Variants in LRRC36 observed in about 807,000 individuals in gnomAD.
LRRC36 encodes the protein leucine rich repeat containing 36, also known as leucine-rich repeat-containing protein 36.
A neutral mutation model predicts 81.1 loss-of-function variants in LRRC36; 62 were observed. That is an observed-to-expected ratio of 0.76 (90% CI 0.62 to 0.94). The LOEUF (loss-of-function observed/expected upper bound fraction) is 0.94. Among genes scored for constraint, LRRC36 ranks in the 40% least tolerant of loss-of-function variants. The pLI, the probability that LRRC36 is intolerant of heterozygous loss-of-function variation, is 0.00. For missense variants in LRRC36, 761 were observed against 881.7 expected, an observed-to-expected ratio of 0.86 and a Z score of 1.73; for synonymous variants, 334 against 348.6, an observed-to-expected ratio of 0.96 and a Z score of 0.47.
chr16:67,364,384 C>G (rs903927012), intron 6 of LRRC36, among the ~76,000 whole-genome samples: 1 of 152,124 alleles, frequency 6.6e-6, no homozygotes, highest in Non-Finnish European at 1.5e-5. Flanking sequence ...TTCTTTGATA[C>G]ATTTATGAGC....
Position 67,382,294 on chromosome 16 carries a change from C to T in LRRC36, c.2045+47C>T, listed in dbSNP as rs778253386. ...TTGCTTCTAGAAGCAGATATTTACT[C>T]CTTTTATCTCCTTTGTTTTGCTTGG... is the stretch of plus-strand genomic sequence containing the variant. On this transcript the variant is annotated intron_variant, in intron 13 of 13. Coordinates refer to ENST00000329956, the MANE Select transcript of LRRC36 (RefSeq NM_018296.6). The T allele has an allele frequency of 7.8e-6, 10 of 1,287,666 alleles. No individual in the cohort carries two copies. The South Asian group carries it at 1.3e-4, about 16-fold the overall frequency. 79.8% of individuals were successfully genotyped at this position (1,287,666 alleles called of 1,614,324 possible).
chr16:67,380,005 T>G (rs2040052124), intron 12 of LRRC36, among the ~76,000 whole-genome samples: 1 of 152,116 alleles, frequency 6.6e-6, no homozygotes, highest in Admixed American at 6.6e-5. Context: ...ATATTTAGAA[T>G]AAAATGATTT....
chr16:67,375,477 A>G, intron 10 of LRRC36, 65 bp downstream of exon 10: 1 of 1,404,026 alleles, frequency 7.1e-7, no homozygotes, highest in Non-Finnish European at 9.5e-7. Flanking sequence ...GTGTTCTGCT[A>G]AAAGCCACTT....
intron 5 of LRRC36, among the ~76,000 whole-genome samples, chr16:67,359,625 C>T (rs1276338207): frequency 6.6e-6 from 1 of 152,120 alleles, no homozygotes. Flanking sequence ...TTGTATGACA[C>T]ATGAATTATA....
At chr16:67,371,339 G>C (rs2142131397) in intron 9 of LRRC36, 97 bp downstream of exon 9, 2 of 1,407,870 alleles carry the variant, frequency 1.4e-6, no homozygotes, top group Non-Finnish European at 2.0e-6. Context: ...TGACCAACAG[G>C]GCTAGAAATT....
At chr16:67,333,460 A>C (rs1450681491) in intron 1 of LRRC36, among the ~76,000 whole-genome samples, 1 of 152,122 alleles carries the variant, frequency 6.6e-6, no homozygotes, top group African/African-American at 2.4e-5. Context: ...ATTCAGGGTC[A>C]TTTTGTACAT....
At chr16:67,340,717 CTA>C (rs1214072973) in intron 1 of LRRC36, among the ~76,000 whole-genome samples, 1 of 150,400 alleles carries the variant, frequency 6.6e-6, no homozygotes, top group Admixed American at 6.7e-5. Context: ...TATGTATATT[CTA>C]TATATATACT....
At chr16:67,381,671 G>A (rs1453348563) in intron 12 of LRRC36, among the ~76,000 whole-genome samples, 2 of 152,060 alleles carry the variant, frequency 1.3e-5, no homozygotes, top group Non-Finnish European at 2.9e-5. Context: ...CTGGAGTGCA[G>A]TGGCACAATC....
intron 13 of LRRC36, 60 bp from the exon 14 acceptor site, chr16:67,384,805 TGGGTC>T: frequency 8.3e-7 from 1 of 1,203,494 alleles, no homozygotes; most frequent in Non-Finnish European, 1.2e-6. Flanking sequence ...GGAGACATTT[TGGGTC>T]TGCATGGTAT....
intron 1 of LRRC36, among the ~76,000 whole-genome samples, chr16:67,328,288 G>A (rs1234910982): frequency 2.6e-5 from 4 of 152,092 alleles, no homozygotes; most frequent in Admixed American, 6.5e-5. Flanking sequence ...CGAGGCGGGC[G>A]GATCACGAGT....
At chr16:67,381,864 G>T (rs576461290) in intron 12 of LRRC36, among the ~76,000 whole-genome samples, 1 of 152,120 alleles carries the variant, frequency 6.6e-6, no homozygotes, top group Non-Finnish European at 1.5e-5. Flanking sequence ...TGATCCACCC[G>T]CCTCAGCCTC....
chr16:67,382,334 T>C, intron 13 of LRRC36, 87 bp downstream of exon 13: 1 of 912,748 alleles, frequency 1.1e-6, no homozygotes, highest in Non-Finnish European at 1.7e-6. Flanking sequence ...TTAATATCTA[T>C]GCACTTTGCA....
At chr16:67,354,119 A>C (rs1484940565) in intron 5 of LRRC36, among the ~76,000 whole-genome samples, 1 of 152,046 alleles carries the variant, frequency 6.6e-6, no homozygotes, top group Non-Finnish European at 1.5e-5. Flanking sequence ...GTCAACTACA[A>C]TGTCCAATAC....
chr16:67,353,886 TCA>T (rs981128623), intron 5 of LRRC36, among the ~76,000 whole-genome samples: 1 of 152,284 alleles, frequency 6.6e-6, no homozygotes, highest in Admixed American at 6.5e-5. Flanking sequence ...TGATACTGCT[TCA>T]CAGTCTCTTA....
At chr16:67,352,848 T>G (rs751059718) in intron 5 of LRRC36, among the ~76,000 whole-genome samples, 62 of 151,798 alleles carry the variant, frequency 4.1e-4, no homozygotes, top group Non-Finnish European at 7.5e-4. Flanking sequence ...CAGCTAAGTT[T>G]TGTATTTTTT....
chr16:67,376,037 C>T (rs2039877191), intron 10 of LRRC36, among the ~76,000 whole-genome samples: 1 of 152,144 alleles, frequency 6.6e-6, no homozygotes. Context: ...TGGCTGGATG[C>T]GGTGACTAAC....
At chr16:67,328,284 G>A (rs991261405) in intron 1 of LRRC36, among the ~76,000 whole-genome samples, 1 of 152,070 alleles carries the variant, frequency 6.6e-6, no homozygotes, top group Non-Finnish European at 1.5e-5. Flanking sequence ...AGGCCGAGGC[G>A]GGCGGATCAC....
intron 5 of LRRC36, among the ~76,000 whole-genome samples, chr16:67,359,279 A>G (rs1425498717): frequency 3.3e-5 from 5 of 152,268 alleles, no homozygotes; most frequent in Non-Finnish European, 7.3e-5. Context: ...TAAACAAAAT[A>G]TGATATATCC....
chr16:67,371,137 T>G lies in LRRC36; in HGVS notation c.1389T>G (p.Phe463Leu). ...SPGTSEHRKI[F>L]TKRSLSPSKR... ...GGACTTCAGAACACAGAAAGATTTTTACCAAGAGGTCACTAAGCCCATCGA... is the reference window on the plus strand; with the variant it reads ...GGACTTCAGAACACAGAAAGATTTTGACCAAGAGGTCACTAAGCCCATCGA... The change falls in exon 9 of 14, where the codon TTT (phenylalanine) becomes TTG (leucine). Residue 463 changes from phenylalanine (F) to leucine (L), a missense_variant. Phe to Leu is a conservative substitution (Grantham distance 22, BLOSUM62 0). Around this residue, in one of 3 missense-constraint regions of LRRC36, gnomAD observed 359 missense variants for 388.4 expected, o/e 0.92. Transcript: ENST00000329956. 6.2e-7 allele frequency: 1 copy of G among 1,614,220 alleles called. No homozygotes were observed. The highest frequency in any genetic ancestry group is 1.3e-5 in the African/African-American group (1 of 75,062).
Sources: allele counts gnomAD v4.1 joint callset (sites outside exome capture counted in the v4.1 genomes callset), GRCh38; gene constraint gnomAD v4.1.1; regional missense constraint gnomAD v4.1.1; transcripts MANE v1.5; gene names NCBI Gene and HGNC (gene_info 2026-07-23, HGNC 2026-07-21).